The following MBNL3 variants were observed in gnomAD, a reference collection of about 807,000 sequenced individuals.
MBNL3 encodes the protein muscleblind-like protein 3.
MBNL3 carries 6 observed loss-of-function variants against 24.5 expected under a neutral mutation model. The ratio of observed to expected loss-of-function variants is 0.25; its 90% CI spans 0.13 to 0.48. MBNL3 has a LOEUF of 0.48. Among genes scored for constraint, MBNL3 ranks in the 20% least tolerant of loss-of-function variants. The pLI is 0.99. For missense variants in MBNL3, 230 were observed against 293.5 expected (o/e 0.78, Z 1.58); for synonymous variants, 100 against 101.7 (o/e 0.98, Z 0.10).
intron 5 of MBNL3, among the ~76,000 whole-genome samples, chrX:132,388,756 T>C (rs1362531850): frequency 9.0e-6 from 1 of 111,106 alleles, no homozygotes; most frequent in Non-Finnish European, 1.9e-5. Context: ...TTTTTTTAAA[T>C]ACAAGCTGCT....
At position 132,376,650 on chromosome X, in the gene MBNL3, A is replaced by C. The variant is rs148012465; in HGVS notation, c.*3016T>G. On this transcript the variant is annotated 3_prime_UTR_variant, in exon 9 of 9. Transcript: ENST00000370853. ...TTTTATATATACAATTCATCCAGTA[A>C]ATTTTTGTTTAGAGTCACTGATTAG... 6.2e-3 allele frequency: 689 copies of C among 111,587 alleles called. 7 individuals are homozygous for C. Among genetic ancestry groups the C allele is most frequent in the African/African-American group, 0.021 (661 of 30,857 alleles). 9.2% of individuals were successfully genotyped at this position (111,587 alleles called of 1,213,427 possible).
chrX:132,390,262 CAACAA>C (rs1869797580), intron 5 of MBNL3, among the ~76,000 whole-genome samples: 17 of 33,597 alleles, frequency 5.1e-4, no homozygotes, highest in African/African-American at 2.1e-3. Flanking sequence ...ACAACAACAA[CAACAA>C]AAAAAAAAAA....
intron 1 of MBNL3, among the ~76,000 whole-genome samples, chrX:132,469,870 C>A (rs1947085030): frequency 8.9e-6 from 1 of 111,740 alleles, no homozygotes. Context: ...GCTGTGCTCC[C>A]ACCCCTTCTT....
In MBNL3 at chrX:132,396,382, ATATATATATTCC is replaced by A. The variant is rs1215534598; in HGVS notation, c.343-4060_343-4049del. On this transcript the variant is annotated intron_variant, in intron 3 of 8. Transcript: ENST00000370853. ...TTCCTATATATATTCATATATATTC[ATATATATATTCC>A]TATATATATTCATATATATTCCTAT... Among the ~76,000 whole-genome samples the A allele has an allele frequency of 1.5e-4, 12 of 78,789 alleles. No homozygotes were observed. In the East Asian group the frequency reaches 3.9e-3, roughly 26 times the overall value. 68.4% of individuals were successfully genotyped at this position (78,789 alleles called of 115,157 possible).
Position 132,374,488 on chromosome X carries a change from A to T in MBNL3, c.*5178T>A, listed in dbSNP as rs1027142652. ...TGTAGCAAACTAGAAAGCCTCCGTA[A>T]CAGCAAAGCAACATTATGCTTTAGT... On this transcript the variant is annotated 3_prime_UTR_variant, in exon 9 of 9. Transcript: ENST00000370853. 2 of 111,827 alleles carry T rather than the reference A, an allele frequency of 1.8e-5. No homozygotes were observed. Among genetic ancestry groups the T allele is most frequent in the Non-Finnish European group, 3.8e-5 (2 of 52,967 alleles). The allele number at this position is 111,827 out of a possible 1,213,427, so 9.2% of individuals were successfully genotyped here. A position where few individuals can be genotyped will look rare whatever the true frequency, so the allele number is the denominator to read the frequency against.
chrX:132,439,708 GATA>G lies in MBNL3; in HGVS notation c.-100_-98del. 1 of 1,046,004 alleles carries G rather than the reference GATA, an allele frequency of 9.6e-7. No homozygotes were observed. The highest frequency in any genetic ancestry group is 1.2e-6 in the Non-Finnish European group (1 of 810,305). 86.2% of individuals were successfully genotyped at this position (1,046,004 alleles called of 1,213,427 possible). A position where few individuals can be genotyped will look rare whatever the true frequency, so the allele number is the denominator to read the frequency against. Reference sequence around the variant, plus strand: ...AATGAATTCAAACTAAGTGCGAAGAGATAACAGGTTGCTTTGGTGAAATGTCTA... The same window carrying G: ...AATGAATTCAAACTAAGTGCGAAGAGACAGGTTGCTTTGGTGAAATGTCTA... On this transcript the variant is annotated 5_prime_UTR_variant, in exon 2 of 9. Coordinates refer to ENST00000370853, the MANE Select transcript of MBNL3 (RefSeq NM_001386889.1).
intron 1 of MBNL3, among the ~76,000 whole-genome samples, chrX:132,442,033 G>A (rs1482344745): frequency 9.0e-6 from 1 of 111,678 alleles, no homozygotes; most frequent in East Asian, 2.8e-4. Context: ...TATATGAAAC[G>A]TTCAGAGTAG....
chrX:132,414,559 T>C (rs1232626583), intron 2 of MBNL3, among the ~76,000 whole-genome samples: 1 of 111,582 alleles, frequency 9.0e-6, no homozygotes, highest in Non-Finnish European at 1.9e-5. Flanking sequence ...AGGCTGACAA[T>C]ACACAAGAGT....
chrX:132,382,720 T>A (rs1375014059), intron 7 of MBNL3, among the ~76,000 whole-genome samples: 4 of 112,192 alleles, frequency 3.6e-5, no homozygotes, highest in Non-Finnish European at 7.5e-5. Flanking sequence ...GGAATTTAGG[T>A]TCACTGACTT....
chrX:132,393,372 A>C (rs1277050724), intron 3 of MBNL3, among the ~76,000 whole-genome samples: 4 of 94,090 alleles, frequency 4.3e-5, no homozygotes, highest in Non-Finnish European at 2.1e-5. Context: ...AGTAACTTGT[A>C]AAAAAAAAAA....
At chrX:132,478,610 A>C (rs929044677) in intron 1 of MBNL3, among the ~76,000 whole-genome samples, 2 of 112,514 alleles carry the variant, frequency 1.8e-5, no homozygotes, top group African/African-American at 6.5e-5. Context: ...AGGTGCATGG[A>C]TTTGAAATAA....
At chrX:132,396,884 ATT>A (rs1491372146) in intron 3 of MBNL3, among the ~76,000 whole-genome samples, 60 of 69,798 alleles carry the variant, frequency 8.6e-4, no homozygotes, top group Non-Finnish European at 1.1e-3. Flanking sequence ...ATACATATAT[ATT>A]CATATATATA....
Position 132,372,660 on chromosome X carries a change from G to A in MBNL3, c.*7006C>T, listed in dbSNP as rs1933723586. ...AATAGCATCTCTACACAGAAATAAA[G>A]CTCTGGAACCATGCAGTTTTATGAC... On this transcript the variant is annotated 3_prime_UTR_variant, in exon 9 of 9. Coordinates refer to ENST00000370853, the MANE Select transcript of MBNL3 (RefSeq NM_001386889.1). 9.1e-6 allele frequency: 1 copy of A among 110,185 alleles called. No homozygotes were observed. Among genetic ancestry groups the A allele is most frequent in the African/African-American group, 3.3e-5 (1 of 30,499 alleles). 9.1% of individuals were successfully genotyped at this position (110,185 alleles called of 1,213,427 possible). A position where few individuals can be genotyped will look rare whatever the true frequency, so the allele number is the denominator to read the frequency against.
chrX:132,386,534 CTTG>C, intron 6 of MBNL3, 124 bp downstream of exon 6: 2 of 754,411 alleles, frequency 2.7e-6, no homozygotes, highest in Non-Finnish European at 3.6e-6. Flanking sequence ...GCATAACTTC[CTTG>C]TTTTATTTTT....
chrX:132,463,150 A>T (rs1201190365), intron 1 of MBNL3, among the ~76,000 whole-genome samples: 1 of 112,746 alleles, frequency 8.9e-6, no homozygotes, highest in East Asian at 2.8e-4. Flanking sequence ...ATCTGACTAT[A>T]CTTGGAAGCT....
chrX:132,434,317 T>G (rs1462568687), intron 2 of MBNL3, among the ~76,000 whole-genome samples: 3 of 112,506 alleles, frequency 2.7e-5, no homozygotes, highest in Non-Finnish European at 5.6e-5. Flanking sequence ...TTGCTCTCTT[T>G]CTTAATTGAC....
chrX:132,379,940 T>C (rs764180812), intron 8 of MBNL3, among the ~76,000 whole-genome samples: 1 of 112,628 alleles, frequency 8.9e-6, no homozygotes, highest in South Asian at 3.6e-4. Context: ...TTTAAGGCAT[T>C]ATCTATCTAC....
At position 132,377,971 on chromosome X, in the gene MBNL3, C is replaced by T. The variant is rs1322147822; in HGVS notation, c.*1695G>A. Reference sequence around the variant, plus strand: ...AGTAGAGTGGATGAGATATGTCACACACCACAGGAATTATTTGGTTGTAAA... The same window carrying T: ...AGTAGAGTGGATGAGATATGTCACATACCACAGGAATTATTTGGTTGTAAA... On this transcript the variant is annotated 3_prime_UTR_variant, in exon 9 of 9. Transcript: ENST00000370853. 9.0e-6 allele frequency: 1 copy of T among 110,622 alleles called. No individual in the cohort carries two copies. Among genetic ancestry groups the T allele is most frequent in the Non-Finnish European group, 1.9e-5 (1 of 52,862 alleles). 9.1% of individuals were successfully genotyped at this position (110,622 alleles called of 1,213,427 possible).
At chrX:132,461,437 T>C (rs1278903243) in intron 1 of MBNL3, among the ~76,000 whole-genome samples, 1 of 111,506 alleles carries the variant, frequency 9.0e-6, no homozygotes, top group Non-Finnish European at 1.9e-5. Flanking sequence ...ATTATTATAG[T>C]ATCAGAGAGG....
Sources: gnomAD v4.1 joint callset for allele counts (sites outside exome capture counted in the v4.1 genomes callset) on GRCh38, gnomAD v4.1.1 for gene constraint, MANE v1.5 for transcripts, NCBI Gene and HGNC (gene_info 2026-07-23, HGNC 2026-07-21) for gene names.